The following MFHAS1 variants were observed in gnomAD, a reference collection of about 807,000 sequenced individuals.
MFHAS1 encodes multifunctional ROCO family signaling regulator 1.
MFHAS1 carries 50 observed loss-of-function variants against 70.4 expected under a neutral mutation model. That is an observed-to-expected ratio of 0.71 (90% CI 0.57 to 0.90). The LOEUF (loss-of-function observed/expected upper bound fraction) is 0.90, where lower values mean the gene tolerates loss of function less well. MFHAS1 is among the 40% of genes least tolerant of loss of function. The pLI is 0.00. For synonymous variants in MFHAS1, 952 were observed against 620.0 expected, an observed-to-expected ratio of 1.54 and a Z score of -7.96; for missense variants, 1,795 against 1,347.6, an observed-to-expected ratio of 1.33 and a Z score of -5.20.
intron 1 of MFHAS1, among the ~76,000 whole-genome samples, chr8:8,821,371 A>G (rs1200725076): frequency 6.6e-6 from 1 of 152,224 alleles, no homozygotes; most frequent in Non-Finnish European, 1.5e-5. Flanking sequence ...ATCACGCCGA[A>G]TTTTACAGAA....
intron 1 of MFHAS1, among the ~76,000 whole-genome samples, chr8:8,853,935 G>C (rs915656768): frequency 5.9e-5 from 9 of 152,134 alleles, no homozygotes; most frequent in South Asian, 2.1e-4. Flanking sequence ...GGTGAAGGTG[G>C]ATAATTACTA....
intron 1 of MFHAS1, among the ~76,000 whole-genome samples, chr8:8,872,402 G>T (rs1357640851): frequency 2.0e-5 from 3 of 152,178 alleles, no homozygotes; most frequent in Non-Finnish European, 4.4e-5. Context: ...ACGGCAGGAG[G>T]ATTCCAACCT....
At chr8:8,816,158 G>C (rs1806735005) in intron 1 of MFHAS1, among the ~76,000 whole-genome samples, 1 of 152,164 alleles carries the variant, frequency 6.6e-6, no homozygotes, top group South Asian at 2.1e-4. Flanking sequence ...GGTGAGGATG[G>C]GAGCCAGGAA....
chr8:8,785,497 A>G lies in MFHAS1; in HGVS notation c.*525T>C, dbSNP rs1805508717. ...GCACAGTTCTCATGCAGAATATTGC[A>G]CCCAGTGTGAACTAACGCTAGAAGC... On this transcript the variant is annotated 3_prime_UTR_variant, in exon 3 of 3. Coordinates refer to ENST00000276282, the MANE Select transcript of MFHAS1 (RefSeq NM_004225.3). 1 of 153,118 alleles carries G rather than the reference A, an allele frequency of 6.5e-6. No individual in the cohort carries two copies. The highest frequency in any genetic ancestry group is 2.1e-4 in the South Asian group (1 of 4,856). The allele number at this position is 153,118 out of a possible 1,614,324, so 9.5% of individuals were successfully genotyped here. A position where few individuals can be genotyped will look rare whatever the true frequency, so the allele number is the denominator to read the frequency against.
intron 1 of MFHAS1, among the ~76,000 whole-genome samples, chr8:8,881,567 T>A (rs2116929913): frequency 6.6e-6 from 1 of 152,360 alleles, no homozygotes; most frequent in South Asian, 2.1e-4. Context: ...CTGGGCATGG[T>A]GGCTCACGCC....
At chr8:8,883,204 G>C (rs560812494) in intron 1 of MFHAS1, among the ~76,000 whole-genome samples, 1 of 152,106 alleles carries the variant, frequency 6.6e-6, no homozygotes, top group African/African-American at 2.4e-5. Context: ...AGAGGACTGA[G>C]ACCTGAGCCT....
intron 1 of MFHAS1, among the ~76,000 whole-genome samples, chr8:8,849,339 C>T (rs1456388604): frequency 6.6e-6 from 1 of 152,140 alleles, no homozygotes; most frequent in Admixed American, 6.5e-5. Flanking sequence ...CCTCAGCCTC[C>T]TGAAGTGCTG....
At chr8:8,809,070 TG>T (rs1175519965) in intron 1 of MFHAS1, among the ~76,000 whole-genome samples, 1 of 152,108 alleles carries the variant, frequency 6.6e-6, no homozygotes, top group African/African-American at 2.4e-5. Context: ...AACTTGTATG[TG>T]AGGGATCTAG....
chr8:8,826,551 G>A (rs769610050), intron 1 of MFHAS1, among the ~76,000 whole-genome samples: 8 of 152,090 alleles, frequency 5.3e-5, no homozygotes, highest in South Asian at 2.1e-4. Flanking sequence ...TGGCCAACAC[G>A]GCGAAACCTC....
chr8:8,883,630 C>T (rs1809617711), intron 1 of MFHAS1, among the ~76,000 whole-genome samples: 1 of 145,844 alleles, frequency 6.9e-6, no homozygotes, highest in Non-Finnish European at 1.5e-5. Context: ...ATCACTTGAA[C>T]CCAGGAGGTG....
At position 8,891,565 on chromosome 8, in the gene MFHAS1, G is replaced by A; in HGVS notation, c.1494C>T (p.Tyr498=). 6.2e-7 allele frequency: 1 copy of A among 1,613,242 alleles called. No homozygotes were observed. Among genetic ancestry groups the A allele is most frequent in the South Asian group, 1.1e-5 (1 of 91,086 alleles). Residue 498 remains tyrosine (Y), a synonymous_variant, in exon 1 of 3, where the codon TAC becomes TAT. Transcript: ENST00000276282. This position sits in a 1 kb window ranked among gnomAD's most constrained non-coding sequence, Gnocchi z 5.4. ...AGGTGGCCAAGTTGACCACCAGCAC[G>A]TATAGGGCCCCTGGGGACAGGAAGA... ...QPFFLSPGAL[Y]VLVVNLATYE... is the part of the protein sequence containing the mutation.
chr8:8,829,905 T>C (rs538464692), intron 1 of MFHAS1, among the ~76,000 whole-genome samples: 1 of 152,342 alleles, frequency 6.6e-6, no homozygotes, highest in South Asian at 2.1e-4. Context: ...AGAGGCCAGA[T>C]GGTCTGCTGG....
intron 1 of MFHAS1, among the ~76,000 whole-genome samples, chr8:8,841,504 G>A (rs537155670): frequency 3.0e-4 from 45 of 152,200 alleles, no homozygotes; most frequent in African/African-American, 9.6e-4. Context: ...TGTTTGCTGG[G>A]AATGGATCCA....
At chr8:8,828,435 G>A (rs1006463810) in intron 1 of MFHAS1, among the ~76,000 whole-genome samples, 1 of 152,156 alleles carries the variant, frequency 6.6e-6, no homozygotes, top group South Asian at 2.1e-4. Flanking sequence ...GTCTGAAGCT[G>A]CAGTGTTCTC....
chr8:8,842,495 C>A (rs1030493097), intron 1 of MFHAS1, among the ~76,000 whole-genome samples: 1 of 152,090 alleles, frequency 6.6e-6, no homozygotes, highest in Admixed American at 6.6e-5. Context: ...GACCCCACGT[C>A]TGATTTTGAA....
intron 1 of MFHAS1, among the ~76,000 whole-genome samples, chr8:8,881,741 G>A (rs999339211): frequency 1.7e-4 from 26 of 151,724 alleles, no homozygotes; most frequent in African/African-American, 5.8e-4. Flanking sequence ...GGCTGAGACA[G>A]GAGAATCACT....
chr8:8,835,043 C>G (rs984440034), intron 1 of MFHAS1, among the ~76,000 whole-genome samples: 3 of 152,160 alleles, frequency 2.0e-5, no homozygotes, highest in African/African-American at 7.2e-5. Context: ...ACCTCTAAAC[C>G]AGACACAAAA....
intron 1 of MFHAS1, among the ~76,000 whole-genome samples, chr8:8,874,369 CACACAT>C (rs993094170): frequency 1.2e-4 from 16 of 133,438 alleles, no homozygotes; most frequent in African/African-American, 4.4e-4. Flanking sequence ...CACACACACA[CACACAT>C]AATAATCTTC....
chr8:8,847,285 G>A (rs1160727531), intron 1 of MFHAS1, among the ~76,000 whole-genome samples: 2 of 152,152 alleles, frequency 1.3e-5, no homozygotes, highest in African/African-American at 4.8e-5. Context: ...AGGTTGAAGT[G>A]ATTCTCCTGC....
Sources: allele counts gnomAD v4.1 joint callset (sites outside exome capture counted in the v4.1 genomes callset), GRCh38; gene constraint gnomAD v4.1.1; non-coding constraint Gnocchi (gnomAD v3.1); transcripts MANE v1.5; gene names NCBI Gene and HGNC (gene_info 2026-07-23, HGNC 2026-07-21).